Variants in ARID4A observed in about 807,000 individuals in gnomAD.
The protein encoded by ARID4A is AT-rich interactive domain-containing protein 4A.
In ARID4A, 39 loss-of-function variants were observed where a neutral mutation model predicts 148.6. That is an observed-to-expected ratio of 0.26 (90% CI 0.20 to 0.34). The LOEUF (loss-of-function observed/expected upper bound fraction) is 0.34, where lower values mean the gene tolerates loss of function less well. ARID4A is among the 10% of genes least tolerant of loss of function. ARID4A has a pLI of 1.00. For synonymous variants in ARID4A, 475 were observed against 481.2 expected, an observed-to-expected ratio of 0.99 and a Z score of 0.17; for missense variants, 1,265 against 1,449.1, an observed-to-expected ratio of 0.87 and a Z score of 2.06.
At chr14:58,310,329 A>G (rs943327580) in intron 5 of ARID4A, among the ~76,000 whole-genome samples, 12 of 152,142 alleles carry the variant, frequency 7.9e-5, no homozygotes, top group Non-Finnish European at 1.5e-4. Context: ...AATCTTGATC[A>G]AGAAGAACAA....
rs1323370448 is a variant in ARID4A, at chr14:58,364,173, CTTG to C, written c.2087_2089del (p.Cys696del). ...ATAATAATATTTCCTCTTACAGACT[CTTG>C]TTCATCTGATAGTGAAACAGAAGAT... On this transcript the variant is annotated inframe_deletion, in exon 20 of 24. Transcript: ENST00000355431. 1 of 1,370,060 alleles carries C rather than the reference CTTG, an allele frequency of 7.3e-7. No individual in the cohort carries two copies. Among genetic ancestry groups the C allele is most frequent in the Non-Finnish European group, 9.7e-7 (1 of 1,033,060 alleles). 84.9% of individuals were successfully genotyped at this position (1,370,060 alleles called of 1,614,324 possible).
At position 58,353,522 on chromosome 14, in the gene ARID4A, CCTT is replaced by C. The variant is rs1273701543; in HGVS notation, c.1656-130_1656-128del. The C allele has an allele frequency of 3.1e-5, 22 of 717,588 alleles. No individual in the cohort carries two copies. In the South Asian group the frequency reaches 3.1e-4, roughly 10 times the overall value. The allele number at this position is 717,588 out of a possible 1,614,324, so 44.5% of individuals were successfully genotyped here. On this transcript the variant is annotated intron_variant, in intron 16 of 23. Coordinates refer to ENST00000355431, the MANE Select transcript of ARID4A (RefSeq NM_002892.4). ...GCCACAGAAATCTTCTCCTTCTCCT[CCTT>C]CTTCTCCTCCTCCACTGATATGTTA...
At chr14:58,345,112 C>T (rs979418348) in intron 12 of ARID4A, among the ~76,000 whole-genome samples, 2 of 152,120 alleles carry the variant, frequency 1.3e-5, no homozygotes, top group African/African-American at 4.8e-5. Context: ...CTCCTGGCCT[C>T]AAGTGATCCT....
intron 5 of ARID4A, among the ~76,000 whole-genome samples, chr14:58,314,091 A>G (rs946817738): frequency 6.6e-6 from 1 of 152,250 alleles, no homozygotes; most frequent in Non-Finnish European, 1.5e-5. Context: ...GGTTATATGT[A>G]TGTTCTGCTA....
At chr14:58,322,343 G>A (rs1013944266) in intron 7 of ARID4A, among the ~76,000 whole-genome samples, 1 of 152,246 alleles carries the variant, frequency 6.6e-6, no homozygotes, top group African/African-American at 2.4e-5. Context: ...TCAATACCCA[G>A]TATTTTATTT....
At chr14:58,332,716 G>C (rs1197426671) in intron 11 of ARID4A, among the ~76,000 whole-genome samples, 1 of 152,126 alleles carries the variant, frequency 6.6e-6, no homozygotes, top group Non-Finnish European at 1.5e-5. Context: ...TCACCATGTA[G>C]GTGAGGCTAC....
chr14:58,362,119 A>G (rs946074700), intron 19 of ARID4A, among the ~76,000 whole-genome samples: 3 of 152,206 alleles, frequency 2.0e-5, no homozygotes, highest in African/African-American at 7.2e-5. Flanking sequence ...AGTGTATCCT[A>G]TAAATTCAAT....
At chr14:58,348,601 C>T (rs1215500815) in intron 15 of ARID4A, among the ~76,000 whole-genome samples, 3 of 152,016 alleles carry the variant, frequency 2.0e-5, no homozygotes, top group African/African-American at 7.3e-5. Flanking sequence ...GGATCAGTGT[C>T]CAGTGATGTT....
At chr14:58,355,764 T>G (rs745478516) in intron 17 of ARID4A, among the ~76,000 whole-genome samples, 14 of 152,208 alleles carry the variant, frequency 9.2e-5, no homozygotes, top group Non-Finnish European at 1.8e-4. Context: ...CATGATAGCC[T>G]TCTTTCTTCC....
In ARID4A at chr14:58,364,800, TTGAAAG is replaced by T; in HGVS notation, c.2712_2717del (p.Phe904_Arg906delinsLeu). The T allele has an allele frequency of 6.2e-7, 1 of 1,614,024 alleles. No homozygotes were observed. Among genetic ancestry groups the T allele is most frequent in the South Asian group, 1.1e-5 (1 of 91,072 alleles). Reference sequence around the variant, plus strand: ...AAAAACTTAAATTTTGAACAGCACTTTGAAAGAGAAAATGAAGGAATGCCATCATTG... The same window carrying T: ...AAAAACTTAAATTTTGAACAGCACTTAGAAAATGAAGGAATGCCATCATTG... On this transcript the variant is annotated inframe_deletion, in exon 20 of 24. Transcript: ENST00000355431.
Position 58,351,108 on chromosome 14 carries a change from T to C in ARID4A, c.1440T>C (p.Ile480=). 6.3e-7 allele frequency: 1 copy of C among 1,599,766 alleles called. No individual in the cohort carries two copies. Among genetic ancestry groups the C allele is most frequent in the East Asian group, 2.2e-5 (1 of 44,760 alleles). Residue 480 remains isoleucine, a synonymous_variant, in exon 16 of 24, where the codon ATT becomes ATC. Transcript: ENST00000355431. ...RRRIARDVNS[I]KKEIEEEKTE... is the part of the protein sequence containing the mutation. ...GAATTGCTCGAGATGTAAATTCTATTAAAAAGGAAATTGAAGAAGAGAAAA... is the reference window on the plus strand; with the variant it reads ...GAATTGCTCGAGATGTAAATTCTATCAAAAAGGAAATTGAAGAAGAGAAAA...
Position 58,365,577 on chromosome 14 carries a change from C to T in ARID4A, c.3271C>T (p.Pro1091Ser), listed in dbSNP as rs774490026. 9.3e-6 allele frequency: 15 copies of T among 1,611,188 alleles called. No homozygotes were observed. Among genetic ancestry groups the T allele is most frequent in the Non-Finnish European group, 1.3e-5 (15 of 1,179,048 alleles). The change falls in exon 21 of 24, where the codon CCA becomes TCA. Residue 1091 changes from proline (P) to serine (S), a missense_variant. By Grantham distance (74) the Pro-to-Ser change is moderately conservative. Transcript: ENST00000355431. Reference sequence around the variant, plus strand: ...AATGGCAAAAAAGCAAAAGCGTACCCCAAAGCGAACAAGTGCTGCAGCCAA... The same window carrying T: ...AATGGCAAAAAAGCAAAAGCGTACCTCAAAGCGAACAAGTGCTGCAGCCAA... The part of the protein sequence containing the change: ...GLMAKKQKRT[P>S]KRTSAAAKNE...
intron 7 of ARID4A, among the ~76,000 whole-genome samples, chr14:58,320,479 C>T (rs1366130088): frequency 6.6e-6 from 1 of 151,970 alleles, no homozygotes; most frequent in South Asian, 2.1e-4. Flanking sequence ...TTATAGCGTC[C>T]CCCAGTTCCC....
chr14:58,308,975 T>C (rs750398988), intron 5 of ARID4A, among the ~76,000 whole-genome samples: 1 of 152,214 alleles, frequency 6.6e-6, no homozygotes, highest in African/African-American at 2.4e-5. Flanking sequence ...GTCAGTGATA[T>C]TAACTTCTTC....
At chr14:58,344,824 G>A in intron 12 of ARID4A, 57 bp downstream of exon 12, 4 of 1,251,830 alleles carry the variant, frequency 3.2e-6, no homozygotes, top group Non-Finnish European at 3.5e-6. Flanking sequence ...TTACATTCTA[G>A]GTATATGCAT....
At chr14:58,350,152 C>T (rs2140240061) in intron 15 of ARID4A, among the ~76,000 whole-genome samples, 2 of 149,914 alleles carry the variant, frequency 1.3e-5, no homozygotes, top group African/African-American at 4.9e-5. Context: ...ATGTGCCAGC[C>T]ACTGTGTAGA....
At chr14:58,347,353 C>T (rs1296835396) in intron 14 of ARID4A, among the ~76,000 whole-genome samples, 1 of 152,050 alleles carries the variant, frequency 6.6e-6, no homozygotes, top group Non-Finnish European at 1.5e-5. Flanking sequence ...GTAGTGTCTG[C>T]GATTATGATA....
At position 58,364,855 on chromosome 14, in the gene ARID4A, CCAA is replaced by C. The variant is rs1382642628; in HGVS notation, c.2771_2773del (p.Gln924del). ...TGATAGCAGAGTCAAACCAATGCAT[CCAA>C]CAACTGACTAGTGAAAGATTTGATA... On this transcript the variant is annotated inframe_deletion, in exon 20 of 24. Transcript: ENST00000355431. The C allele has an allele frequency of 6.2e-7, 1 of 1,613,946 alleles. No individual in the cohort carries two copies. The highest frequency in any genetic ancestry group is 8.5e-7 in the Non-Finnish European group (1 of 1,180,018).
intron 7 of ARID4A, among the ~76,000 whole-genome samples, chr14:58,320,592 A>T (rs2032809423): frequency 6.7e-6 from 1 of 148,158 alleles, no homozygotes; most frequent in Non-Finnish European, 1.5e-5. Flanking sequence ...TTCTTCCATG[A>T]CATTGACTTT....
Sources: allele counts gnomAD v4.1 joint callset (sites outside exome capture counted in the v4.1 genomes callset), GRCh38; gene constraint gnomAD v4.1.1; transcripts MANE v1.5; gene names NCBI Gene and HGNC (gene_info 2026-07-23, HGNC 2026-07-21).